FKBP4: variants seen among roughly 807,000 people sequenced by gnomAD.
The protein encoded by FKBP4 is peptidyl-prolyl cis-trans isomerase FKBP4.
A neutral mutation model predicts 54.1 loss-of-function variants in FKBP4; 28 were observed. The observed-to-expected ratio is 0.52, with a 90% CI of 0.38 to 0.71. FKBP4 has a LOEUF of 0.71. FKBP4 is among the 30% of genes least tolerant of loss of function. The pLI is 0.00. For synonymous variants in FKBP4, 223 were observed against 216.1 expected, an observed-to-expected ratio of 1.03 and a Z score of -0.28; for missense variants, 493 against 574.4, an observed-to-expected ratio of 0.86 and a Z score of 1.45.
Position 2,804,922 on chromosome 12 carries a change from A to G in FKBP4, c.*1664A>G, listed in dbSNP as rs1327367390. On this transcript the variant is annotated 3_prime_UTR_variant, in exon 10 of 10. Transcript: ENST00000001008. ...AGAGTGAGACCATCTCTTTTTTAAA[A>G]AAGTCCCTGTGTAACTGCTTTCTTA... 2.7e-5 allele frequency: 6 copies of G among 218,184 alleles called. No individual in the cohort carries two copies. The highest frequency in any genetic ancestry group is 4.7e-5 in the Non-Finnish European group (5 of 106,752). The allele number at this position is 218,184 out of a possible 1,614,324, so 13.5% of individuals were successfully genotyped here.
Position 2,801,261 on chromosome 12 carries a change from C to G in FKBP4, c.1177C>G (p.Leu393Val). 6.2e-7 allele frequency: 1 copy of G among 1,613,788 alleles called. No individual in the cohort carries two copies. Among genetic ancestry groups the G allele is most frequent in the Non-Finnish European group, 8.5e-7 (1 of 1,180,038 alleles). The change falls in exon 9 of 10, where the codon CTG (leucine) becomes GTG (valine). Residue 393 changes from leucine to valine, a missense_variant. Leu to Val is a conservative substitution (Grantham distance 32). Coordinates refer to ENST00000001008, the MANE Select transcript of FKBP4 (RefSeq NM_002014.4). ...CAACAACAAAGCCGCCAAGACCCAG[C>G]TGGCTGTGTGCCAGCAGCGGATCCG... ...YPNNKAAKTQ[L>V]AVCQQRIRRQ...
At chr12:2,800,232 C>A (rs2097903996) in intron 7 of FKBP4, 110 bp downstream of exon 7, 1 of 1,398,932 alleles carries the variant, frequency 7.1e-7, no homozygotes, top group Admixed American at 1.9e-5. Flanking sequence ...CAGGTTGGCA[C>A]CTGCCATCTT....
rs1196684107 is a variant in FKBP4, at chr12:2,803,501, A to G, written c.*243A>G. On this transcript the variant is annotated 3_prime_UTR_variant, in exon 10 of 10. Transcript: ENST00000001008. ...TGCACATGAACATATGTCCATCCAT[A>G]TATATTCATCAGAATGTTAATTTAT... is the stretch of plus-strand genomic sequence containing the variant. The G allele has an allele frequency of 2.3e-5, 11 of 481,816 alleles. No homozygotes were observed. 29.8% of individuals were successfully genotyped at this position (481,816 alleles called of 1,614,324 possible).
Position 2,800,769 on chromosome 12 carries a change from T to C in FKBP4, c.1032+192T>C, listed in dbSNP as rs56081209. Among the ~76,000 whole-genome samples the C allele has an allele frequency of 3.8e-4, 58 of 152,338 alleles. No homozygotes were observed. In the East Asian group the frequency reaches 0.011, roughly 29 times the overall value. On this transcript the variant is annotated intron_variant, in intron 8 of 9. Coordinates refer to ENST00000001008, the MANE Select transcript of FKBP4 (RefSeq NM_002014.4). ...GAACCTTAGCTTTGGTGGGAAGCAG[T>C]TGGCAAGAAGGAGGAGGACACGGAA...
rs1362196321 is a variant in FKBP4, at chr12:2,795,927, C to T, written c.105+683C>T. 51 of 1,018,506 alleles carry T rather than the reference C, an allele frequency of 5.0e-5. No homozygotes were observed. Among genetic ancestry groups the T allele is most frequent in the Non-Finnish European group, 5.9e-5 (50 of 848,538 alleles). The allele number at this position is 1,018,506 out of a possible 1,614,324, so 63.1% of individuals were successfully genotyped here. On this transcript the variant is annotated intron_variant, in intron 1 of 9. Transcript: ENST00000001008. This position sits in a 1 kb window ranked among gnomAD's most constrained non-coding sequence, Gnocchi z 4.3. ...CGCGGGGCATGCCGGGAGCTGTAGT[C>T]CCCTCCCCCCTCCGCCGCCTCCCGG...
At position 2,801,114 on chromosome 12, in the gene FKBP4, T is replaced by A; in HGVS notation, c.1033-3T>A. On this transcript the variant is annotated splice_region_variant and splice_polypyrimidine_tract_variant and intron_variant, in intron 8 of 9. Coordinates refer to ENST00000001008, the MANE Select transcript of FKBP4 (RefSeq NM_002014.4). ...AATGTGGCTTCCTCTCTGCATTCTT[T>A]AGGCCCTAGAACTGGACAGCAACAA... 6.2e-7 allele frequency: 1 copy of A among 1,613,898 alleles called. No individual in the cohort carries two copies. The highest frequency in any genetic ancestry group is 8.5e-7 in the Non-Finnish European group (1 of 1,179,842).
At chr12:2,800,689 C>G in intron 8 of FKBP4, 112 bp downstream of exon 8, 2 of 1,081,704 alleles carry the variant, frequency 1.8e-6, no homozygotes, top group Middle Eastern at 2.1e-4. Context: ...CAGGGTGGAT[C>G]AGTGGGAGCT....
At position 2,798,685 on chromosome 12, in the gene FKBP4, G is replaced by A; in HGVS notation, c.394-21G>A. 1 of 1,612,810 alleles carries A rather than the reference G, an allele frequency of 6.2e-7. No individual in the cohort carries two copies. The highest frequency in any genetic ancestry group is 8.5e-7 in the Non-Finnish European group (1 of 1,179,906). ...CCATGAGTTAGCATGGGAAGGAATT[G>A]TGTCACATCTTGTCCCACAGGTGGA... On this transcript the variant is annotated intron_variant, in intron 3 of 9. Coordinates refer to ENST00000001008, the MANE Select transcript of FKBP4 (RefSeq NM_002014.4). This position sits in a 1 kb window ranked among gnomAD's most constrained non-coding sequence, Gnocchi z 4.3.
At chr12:2,799,575 A>G (rs1475409797) in intron 5 of FKBP4, among the ~76,000 whole-genome samples, 1 of 152,240 alleles carries the variant, frequency 6.6e-6, no homozygotes, top group Non-Finnish European at 1.5e-5. Context: ...GACTAATAGA[A>G]CATTGTTTCT....
intron 1 of FKBP4, 99 bp from the exon 2 acceptor site, chr12:2,797,039 A>G: frequency 6.5e-7 from 1 of 1,533,954 alleles, no homozygotes; most frequent in Non-Finnish European, 8.8e-7. Flanking sequence ...ATGAACACAG[A>G]GAAGTCCCTT....
In FKBP4 at chr12:2,798,600, C is replaced by A; in HGVS notation, c.394-106C>A. On this transcript the variant is annotated intron_variant, in intron 3 of 9. Coordinates refer to ENST00000001008, the MANE Select transcript of FKBP4 (RefSeq NM_002014.4). This position sits in a 1 kb window ranked among gnomAD's most constrained non-coding sequence, Gnocchi z 4.3. ...AACTCCTTGTGACTGCCCTTGTGGT[C>A]AGATCCGGCCTGGCAGTTAGTAGGG... The A allele has an allele frequency of 6.4e-7, 1 of 1,570,796 alleles. No homozygotes were observed. The highest frequency in any genetic ancestry group is 8.7e-7 in the Non-Finnish European group (1 of 1,154,522).
Position 2,804,231 on chromosome 12 carries a change from C to T in FKBP4, c.*973C>T, listed in dbSNP as rs928117241. 1.3e-5 allele frequency: 2 copies of T among 152,248 alleles called. No individual in the cohort carries two copies. The highest frequency in any genetic ancestry group is 4.8e-5 in the African/African-American group (2 of 41,448). 9.4% of individuals were successfully genotyped at this position (152,248 alleles called of 1,614,324 possible). A position where few individuals can be genotyped will look rare whatever the true frequency, so the allele number is the denominator to read the frequency against. ...GTTTTAGTGCCTCTGGTTTTCTTCC[C>T]TGACACTTAGGAAGACGAAAGTATA... On this transcript the variant is annotated 3_prime_UTR_variant, in exon 10 of 10. Transcript: ENST00000001008.
rs750970764 is a variant in FKBP4, at chr12:2,800,518, C to T, written c.973C>T (p.Leu325=). 3.7e-6 allele frequency: 6 copies of T among 1,614,032 alleles called. No individual in the cohort carries two copies. Among genetic ancestry groups the T allele is most frequent in the Non-Finnish European group, 5.1e-6 (6 of 1,180,030 alleles). ...QALRLASHLN[L]AMCHLKLQAF... is the part of the protein sequence containing the mutation. ...CCTTCGACTGGCCTCTCACCTCAACCTGGCCATGTGTCATCTGAAACTACA... is the reference window on the plus strand; with the variant it reads ...CCTTCGACTGGCCTCTCACCTCAACTTGGCCATGTGTCATCTGAAACTACA... Residue 325 remains leucine, a synonymous_variant, in exon 8 of 10, where the codon CTG becomes TTG. Transcript: ENST00000001008.
At chr12:2,799,297 A>G in intron 5 of FKBP4, 53 bp downstream of exon 5, 3 of 1,457,808 alleles carry the variant, frequency 2.1e-6, no homozygotes, top group Non-Finnish European at 2.7e-6. Flanking sequence ...AAGATCAAAG[A>G]TATAAAATGA....
rs191266357 is a variant in FKBP4, at chr12:2,797,768, T to C, written c.290T>C (p.Met97Thr). 1 of 1,613,910 alleles carries C rather than the reference T, an allele frequency of 6.2e-7. No individual in the cohort carries two copies. The highest frequency in any genetic ancestry group is 2.2e-5 in the East Asian group (1 of 44,874). ...GCTTGGGACATTGCCATAGCCACCA[T>C]GAAGGTGGGGGAGGTGTGCCACATC... ...IKAWDIAIAT[M>T]KVGEVCHITC... is the part of the protein sequence containing the mutation. The change falls in exon 3 of 10, where the codon ATG becomes ACG. Residue 97 changes from methionine (M) to threonine (T), a missense_variant. Coordinates refer to ENST00000001008, the MANE Select transcript of FKBP4 (RefSeq NM_002014.4).
chr12:2,803,825 G>GGGGAAATACCCTGGTA lies in FKBP4; in HGVS notation c.*567_*568insGGGAAATACCCTGGTA, dbSNP rs1214629313. The GGGGAAATACCCTGGTA allele has an allele frequency of 1.3e-5, 2 of 153,062 alleles. No homozygotes were observed. Among genetic ancestry groups the GGGGAAATACCCTGGTA allele is most frequent in the Non-Finnish European group, 2.9e-5 (2 of 68,360 alleles). 9.5% of individuals were successfully genotyped at this position (153,062 alleles called of 1,614,324 possible). A position where few individuals can be genotyped will look rare whatever the true frequency, so the allele number is the denominator to read the frequency against. On this transcript the variant is annotated 3_prime_UTR_variant, in exon 10 of 10. Transcript: ENST00000001008. ...CCCTGTTCTGGTATTTCCCCTGTCA[G>GGGGAAATACCCTGGTA]TTTCCCCTCTCGGCCAGGTTGTGTC...
rs1354747690 is a variant in FKBP4 at position 2,795,913 on chromosome 12, C to G, written c.105+669C>G. 1.0e-6 allele frequency: 1 copy of G among 985,904 alleles called. No individual in the cohort carries two copies. Among genetic ancestry groups the G allele is most frequent in the East Asian group, 1.1e-4 (1 of 8,846 alleles). The allele number at this position is 985,904 out of a possible 1,614,324, so 61.1% of individuals were successfully genotyped here. ...CCGGGGAGGCCGGGCGCGGGGCATG[C>G]CGGGAGCTGTAGTCCCCTCCCCCCT... On this transcript the variant is annotated intron_variant, in intron 1 of 9. Coordinates refer to ENST00000001008, the MANE Select transcript of FKBP4 (RefSeq NM_002014.4). This position sits in a 1 kb window ranked among gnomAD's most constrained non-coding sequence, Gnocchi z 4.3.
rs2097906138 is a variant in FKBP4 at position 2,803,801 on chromosome 12, C to T, written c.*543C>T. ...GTGTCATGGTGACCACCCCCTGTTC[C>T]CTGTTCTGGTATTTCCCCTGTCAGT... is the stretch of plus-strand genomic sequence containing the variant. On this transcript the variant is annotated 3_prime_UTR_variant, in exon 10 of 10. Transcript: ENST00000001008. 1.3e-5 allele frequency: 2 copies of T among 153,646 alleles called. No individual in the cohort carries two copies. Among genetic ancestry groups the T allele is most frequent in the African/African-American group, 4.8e-5 (2 of 41,484 alleles). 9.5% of individuals were successfully genotyped at this position (153,646 alleles called of 1,614,324 possible). A position where few individuals can be genotyped will look rare whatever the true frequency, so the allele number is the denominator to read the frequency against.
At chr12:2,799,321 CT>C in intron 5 of FKBP4, 77 bp downstream of exon 5, 1 of 1,414,922 alleles carries the variant, frequency 7.1e-7, no homozygotes. Flanking sequence ...GTAGAACCAG[CT>C]GTTTGTATCC....
Sources: allele counts gnomAD v4.1 joint callset (sites outside exome capture counted in the v4.1 genomes callset), GRCh38; gene constraint gnomAD v4.1.1; non-coding constraint Gnocchi (gnomAD v3.1); transcripts MANE v1.5; gene names NCBI Gene and HGNC (gene_info 2026-07-23, HGNC 2026-07-21).